NAT1: variants seen among roughly 807,000 people sequenced by gnomAD.
The protein encoded by NAT1 is arylamine N-acetyltransferase 1.
For synonymous variants in NAT1, 144 were observed against 122.6 expected, an observed-to-expected ratio of 1.17 and a Z score of -1.16; for missense variants, 400 against 339.2, an observed-to-expected ratio of 1.18 and a Z score of -1.41.
intron 2 of NAT1, among the ~76,000 whole-genome samples, chr8:18,193,064 A>C (rs190374675): frequency 3.2e-4 from 44 of 138,982 alleles, no homozygotes; most frequent in Admixed American, 4.9e-4. Context: ...CTAATGAATT[A>C]GAATTTTTTT....
chr8:18,179,559 A>G lies in NAT1; in HGVS notation n.92+8820A>G, dbSNP rs1383267821. Reference sequence around the variant, plus strand: ...AGAAATGGCGTATTGAAATGAGCACAGAAAGAAGGGCAGAACTGATTTTGG... The same window carrying G: ...AGAAATGGCGTATTGAAATGAGCACGGAAAGAAGGGCAGAACTGATTTTGG... On this transcript the variant is annotated intron_variant and non_coding_transcript_variant, in intron 2 of 4. Coordinates refer to the NAT1 transcript ENST00000517441. 4.6e-5 allele frequency among the ~76,000 whole-genome samples: 7 copies of G among 152,212 alleles called. No individual in the cohort carries two copies. The South Asian group carries it at 1.4e-3, about 31-fold the overall frequency.
At chr8:18,178,098 G>C (rs916355270) in intron 2 of NAT1, among the ~76,000 whole-genome samples, 3 of 152,102 alleles carry the variant, frequency 2.0e-5, no homozygotes, top group Non-Finnish European at 4.4e-5. Context: ...GACAGAGGGA[G>C]GGAGATGGGA....
chr8:18,217,887 A>G (rs753971097), intron 1 of NAT1, among the ~76,000 whole-genome samples: 7 of 152,156 alleles, frequency 4.6e-5, no homozygotes, highest in Non-Finnish European at 8.8e-5. Flanking sequence ...CTTGTATAAT[A>G]GGGGCAATTC....
intron 1 of NAT1, chr8:18,217,012 A>T (rs757828705): frequency 6.1e-5 from 92 of 1,514,250 alleles, no homozygotes; most frequent in Non-Finnish European, 8.1e-5. Context: ...CCCTGGATGC[A>T]GTACCTCCAG....
intron 2 of NAT1, among the ~76,000 whole-genome samples, chr8:18,221,351 G>A (rs1256662582): frequency 6.7e-6 from 1 of 149,050 alleles, no homozygotes; most frequent in East Asian, 2.0e-4. Context: ...TAAAATTGGA[G>A]CTCTCCCTCT....
chr8:18,199,779 G>C (rs534854533), intron 2 of NAT1, among the ~76,000 whole-genome samples: 1 of 152,088 alleles, frequency 6.6e-6, no homozygotes, highest in Non-Finnish European at 1.5e-5. Context: ...GGGGCTACTC[G>C]TTTCTTTGTG....
At chr8:18,210,797 C>T (rs1401756643) in intron 1 of NAT1, among the ~76,000 whole-genome samples, 1 of 152,136 alleles carries the variant, frequency 6.6e-6, no homozygotes, top group African/African-American at 2.4e-5. Flanking sequence ...TTTTTTGAGG[C>T]AGAGCCTTGC....
In NAT1 at chr8:18,186,155, T is replaced by C. The variant is rs193256059; in HGVS notation, n.92+15416T>C. ...TTAGCCATGTTTTAAAAAAAATCTA[T>C]TCATACTGATTTTTTGTGCTTTGAT... On this transcript the variant is annotated intron_variant and non_coding_transcript_variant, in intron 2 of 4. Coordinates refer to the NAT1 transcript ENST00000517441. Among the ~76,000 whole-genome samples, 8 of 152,292 alleles carry C rather than the reference T, an allele frequency of 5.3e-5. 1 individual carries two copies. The East Asian group carries it at 1.2e-3, about 22-fold the overall frequency.
upstream of NAT1, among the ~76,000 whole-genome samples, chr8:18,206,737 C>T (rs1478396184): frequency 6.6e-6 from 1 of 152,100 alleles, no homozygotes; most frequent in African/African-American, 2.4e-5. Flanking sequence ...GGATAGATTG[C>T]AAAAATTTTC....
intron 2 of NAT1, 56 bp from the exon 3 acceptor site, chr8:18,221,986 T>A: frequency 5.2e-6 from 8 of 1,534,764 alleles, no homozygotes; most frequent in Non-Finnish European, 7.0e-6. Flanking sequence ...ATTAGCCTAC[T>A]CAAATCCAAG....
At chr8:18,192,961 G>A (rs1563170233) in intron 2 of NAT1, among the ~76,000 whole-genome samples, 2 of 150,782 alleles carry the variant, frequency 1.3e-5, no homozygotes, top group Non-Finnish European at 2.9e-5. Context: ...TGCACATTGT[G>A]CACATGTACC....
intron 2 of NAT1, among the ~76,000 whole-genome samples, chr8:18,192,182 T>C (rs1192443461): frequency 1.1e-4 from 16 of 151,946 alleles, no homozygotes; most frequent in African/African-American, 2.7e-4. Flanking sequence ...GGGCAAAGGA[T>C]ATGAACAGAC....
At position 18,222,418 on chromosome 8, in the gene NAT1, G is replaced by C; in HGVS notation, c.371G>C (p.Gly124Ala). 1 of 1,614,044 alleles carries C rather than the reference G, an allele frequency of 6.2e-7. No homozygotes were observed. The highest frequency in any genetic ancestry group is 8.5e-7 in the Non-Finnish European group (1 of 1,179,994). ...GGCAGGAACTACATTGTCGATGCTGGGTTTGGACGCTCATACCAGATGTGG... is the reference window on the plus strand; with the variant it reads ...GGCAGGAACTACATTGTCGATGCTGCGTTTGGACGCTCATACCAGATGTGG... The part of the protein sequence containing the change: ...IDGRNYIVDA[G>A]FGRSYQMWQP... Residue 124 changes from glycine to alanine, a missense_variant, in exon 3 of 3, where the codon GGG becomes GCG. Transcript: ENST00000307719.
At chr8:18,199,714 G>A (rs1225584862) in intron 2 of NAT1, among the ~76,000 whole-genome samples, 8 of 152,260 alleles carry the variant, frequency 5.3e-5, no homozygotes, top group South Asian at 2.1e-4. Context: ...CACTGGTGAC[G>A]GCTGCAGTTT....
chr8:18,216,915 A>G, intron 1 of NAT1: 1 of 1,551,212 alleles, frequency 6.4e-7, no homozygotes, highest in Admixed American at 2.0e-5. Flanking sequence ...ACTCTTACAC[A>G]AGGAGGCAGC....
chr8:18,172,128 G>A (rs1348686911), intron 2 of NAT1, among the ~76,000 whole-genome samples: 2 of 152,152 alleles, frequency 1.3e-5, no homozygotes, highest in South Asian at 4.1e-4. Context: ...AGCGTCACAA[G>A]TAACAACCAC....
At chr8:18,200,199 C>T (rs772492999) in intron 2 of NAT1, among the ~76,000 whole-genome samples, 3 of 151,970 alleles carry the variant, frequency 2.0e-5, no homozygotes, top group Non-Finnish European at 4.4e-5. Flanking sequence ...GGGTGTATAC[C>T]CAAAGGAATA....
chr8:18,203,340 C>T (rs563602078), intron 2 of NAT1, among the ~76,000 whole-genome samples: 20 of 152,164 alleles, frequency 1.3e-4, no homozygotes, highest in Middle Eastern at 3.4e-3. Context: ...CTAGTTTTTA[C>T]GTTGTTGGTA....
At chr8:18,180,840 C>T (rs1351824747) in intron 2 of NAT1, among the ~76,000 whole-genome samples, 1 of 151,918 alleles carries the variant, frequency 6.6e-6, no homozygotes, top group Non-Finnish European at 1.5e-5. Flanking sequence ...TTTCTGGATT[C>T]TTTGTTCTGC....
Sources: gnomAD v4.1 joint callset for allele counts (sites outside exome capture counted in the v4.1 genomes callset) on GRCh38, gnomAD v4.1.1 for gene constraint, MANE v1.5 for transcripts, NCBI Gene and HGNC (gene_info 2026-07-23, HGNC 2026-07-21) for gene names.